Variants in NLN observed in about 807,000 individuals in gnomAD.
The protein encoded by NLN is neurolysin, mitochondrial.
In NLN, 64 loss-of-function variants were observed where a neutral mutation model predicts 79.9. That is an observed-to-expected ratio of 0.80 (90% CI 0.65 to 0.99). The LOEUF is 0.99. Among genes scored for constraint, NLN ranks in the 50% least tolerant of loss-of-function variants. NLN has a pLI of 0.00. For synonymous variants in NLN, 267 were observed against 296.6 expected (o/e 0.90, Z 1.02); for missense variants, 835 against 858.7 (o/e 0.97, Z 0.34).
intron 9 of NLN, among the ~76,000 whole-genome samples, chr5:65,804,960 G>A (rs952372589): frequency 6.6e-6 from 1 of 152,150 alleles, no homozygotes; most frequent in African/African-American, 2.4e-5. Flanking sequence ...AACAGAATGT[G>A]CTCCCTTCAT....
At chr5:65,757,010 G>A (rs1441227126) in intron 1 of NLN, among the ~76,000 whole-genome samples, 3 of 152,150 alleles carry the variant, frequency 2.0e-5, no homozygotes, top group Non-Finnish European at 2.9e-5. Context: ...TTCGTTTGGA[G>A]TTCTCTTTGC....
chr5:65,737,335 G>C (rs1758749694), intron 1 of NLN, among the ~76,000 whole-genome samples: 1 of 152,112 alleles, frequency 6.6e-6, no homozygotes, highest in South Asian at 2.1e-4. Flanking sequence ...TGTACTTTCT[G>C]AGGGTGAAGT....
In NLN at chr5:65,791,132, A is replaced by T. The variant is rs138668651; in HGVS notation, c.1326-1322A>T. Among the ~76,000 whole-genome samples, 482 of 152,312 alleles carry T rather than the reference A, an allele frequency of 3.2e-3. 3 individuals are homozygous for T. The highest frequency in any genetic ancestry group is 0.011 in the African/African-American group (450 of 41,562). On this transcript the variant is annotated intron_variant, in intron 8 of 12. Coordinates refer to ENST00000380985, the MANE Select transcript of NLN (RefSeq NM_020726.5). ...AAAAGGGTATTCAGAATAGGTTTTA[A>T]AAAGACCAGGTACTGTCTGGGTGCA...
At chr5:65,785,995 G>A (rs1759913224) in intron 7 of NLN, 85 bp downstream of exon 7, 2 of 1,203,396 alleles carry the variant, frequency 1.7e-6, no homozygotes, top group African/African-American at 1.5e-5. Flanking sequence ...ATGCCTTTGA[G>A]GACATCCTAC....
rs908142794 is a variant in NLN, at chr5:65,829,091, T to G, written c.*6176T>G. 6.6e-6 allele frequency: 1 copy of G among 152,190 alleles called. No individual in the cohort carries two copies. The highest frequency in any genetic ancestry group is 1.5e-5 in the Non-Finnish European group (1 of 68,040). The allele number at this position is 152,190 out of a possible 1,614,324, so 9.4% of individuals were successfully genotyped here. ...AGAATTTACAGTTACTCTCTGTCCATTCCACTCACTACTGTCTTCATCACA... is the reference window on the plus strand; with the variant it reads ...AGAATTTACAGTTACTCTCTGTCCAGTCCACTCACTACTGTCTTCATCACA... On this transcript the variant is annotated 3_prime_UTR_variant, in exon 13 of 13. Coordinates refer to ENST00000380985, the MANE Select transcript of NLN (RefSeq NM_020726.5).
At chr5:65,766,560 C>G (rs934466237) in intron 3 of NLN, among the ~76,000 whole-genome samples, 3 of 152,174 alleles carry the variant, frequency 2.0e-5, no homozygotes. Flanking sequence ...TGGGTAGGGA[C>G]ACAGCCAAAC....
At chr5:65,772,508 G>A (rs528216766) in intron 3 of NLN, among the ~76,000 whole-genome samples, 1 of 152,184 alleles carries the variant, frequency 6.6e-6, no homozygotes, top group African/African-American at 2.4e-5. Flanking sequence ...CCTAGCCCAG[G>A]AGTGCAGACA....
Position 65,722,371 on chromosome 5 carries a change from C to A in NLN, c.-3C>A. ...CCGCCGCCGCCAGCCTCTCAGCGCT[C>A]CCATGATCGCCCGGTGCCTTTTGGC... On this transcript the variant is annotated 5_prime_UTR_variant, in exon 1 of 13. Transcript: ENST00000380985. 1 of 1,581,414 alleles carries A rather than the reference C, an allele frequency of 6.3e-7. No homozygotes were observed. Among genetic ancestry groups the A allele is most frequent in the Non-Finnish European group, 8.6e-7 (1 of 1,166,200 alleles).
chr5:65,779,221 G>T (rs2150756197), intron 4 of NLN, among the ~76,000 whole-genome samples: 1 of 152,298 alleles, frequency 6.6e-6, no homozygotes, highest in East Asian at 1.9e-4. Context: ...AGTAGGTTTA[G>T]TGTGGGGGTC....
chr5:65,791,254 T>C (rs1399868658), intron 8 of NLN, among the ~76,000 whole-genome samples: 1 of 152,102 alleles, frequency 6.6e-6, no homozygotes, highest in Non-Finnish European at 1.5e-5. Context: ...AAACCCCATC[T>C]CTAGTAAAAA....
At chr5:65,783,449 C>A (rs896399073) in intron 6 of NLN, among the ~76,000 whole-genome samples, 6 of 151,968 alleles carry the variant, frequency 3.9e-5, no homozygotes, top group Admixed American at 3.9e-4. Context: ...CAGACATGAC[C>A]CAGAAATTTC....
At chr5:65,771,706 C>T (rs534300127) in intron 3 of NLN, among the ~76,000 whole-genome samples, 1 of 152,078 alleles carries the variant, frequency 6.6e-6, no homozygotes, top group Non-Finnish European at 1.5e-5. Flanking sequence ...GGAGACCCAG[C>T]TCCAAATTAA....
At chr5:65,728,728 CA>C in intron 1 of NLN, among the ~76,000 whole-genome samples, 1 of 152,248 alleles carries the variant, frequency 6.6e-6, no homozygotes. Flanking sequence ...AATTCCTAAA[CA>C]AAAATTCAGG....
At position 65,750,075 on chromosome 5, in the gene NLN, G is replaced by A. The variant is rs1759069885; in HGVS notation, c.42-8492G>A. ...TAGGAACCTAGTTTGCGAGTGGAAAGGAGAAAGGGTACCCAAGGAAGGGCA... is the reference window on the plus strand; with the variant it reads ...TAGGAACCTAGTTTGCGAGTGGAAAAGAGAAAGGGTACCCAAGGAAGGGCA... On this transcript the variant is annotated intron_variant, in intron 1 of 12. Transcript: ENST00000380985. Among the ~76,000 whole-genome samples, 3 of 152,316 alleles carry A rather than the reference G, an allele frequency of 2.0e-5. No individual in the cohort carries two copies. The South Asian group carries it at 6.2e-4, about 32-fold the overall frequency.
intron 7 of NLN, among the ~76,000 whole-genome samples, chr5:65,786,345 C>T (rs1350012209): frequency 6.6e-6 from 1 of 151,420 alleles, no homozygotes; most frequent in African/African-American, 2.4e-5. Flanking sequence ...TGTTAATATA[C>T]AAAACTAATA....
At chr5:65,733,729 T>G in intron 1 of NLN, 1 of 857,434 alleles carries the variant, frequency 1.2e-6, no homozygotes, top group Non-Finnish European at 1.7e-6. Flanking sequence ...CACAGGTGCT[T>G]TTTTTTTTTT....
Position 65,824,523 on chromosome 5 carries a change from C to A in NLN, c.*1608C>A, listed in dbSNP as rs1760875383. 6.6e-6 allele frequency: 1 copy of A among 152,124 alleles called. No individual in the cohort carries two copies. Among genetic ancestry groups the A allele is most frequent in the Non-Finnish European group, 1.5e-5 (1 of 68,034 alleles). 9.4% of individuals were successfully genotyped at this position (152,124 alleles called of 1,614,324 possible). A position where few individuals can be genotyped will look rare whatever the true frequency, so the allele number is the denominator to read the frequency against. On this transcript the variant is annotated 3_prime_UTR_variant, in exon 13 of 13. Coordinates refer to ENST00000380985, the MANE Select transcript of NLN (RefSeq NM_020726.5). ...CCTATAGTAGTTTTCTCACATCTTT[C>A]CCCCTAGACTTTTCTGTTTTTCAGT... is the stretch of plus-strand genomic sequence containing the variant.
intron 2 of NLN, 105 bp from the exon 3 acceptor site, chr5:65,762,855 A>G: frequency 1.7e-6 from 2 of 1,146,730 alleles, no homozygotes; most frequent in Non-Finnish European, 2.5e-6. Context: ...ATAAAATAAA[A>G]CAAACTTTTA....
intron 1 of NLN, among the ~76,000 whole-genome samples, chr5:65,723,676 G>T (rs544955260): frequency 2.0e-5 from 3 of 151,416 alleles, no homozygotes; most frequent in East Asian, 1.9e-4. Context: ...TTAGCCGGGC[G>T]TGGTGGCGGG....
Sources: gnomAD v4.1 joint callset for allele counts (sites outside exome capture counted in the v4.1 genomes callset) on GRCh38, gnomAD v4.1.1 for gene constraint, MANE v1.5 for transcripts, NCBI Gene and HGNC (gene_info 2026-07-23, HGNC 2026-07-21) for gene names.